Variants in FGF13 observed in about 807,000 individuals in gnomAD.
FGF13 encodes the protein fibroblast growth factor homologous factor 2.
FGF13 carries 2 observed loss-of-function variants against 19.5 expected under a neutral mutation model. That is an observed-to-expected ratio of 0.10 (90% confidence interval 0.04 to 0.32). FGF13 has a LOEUF of 0.32. FGF13 is among the 10% of genes least tolerant of loss of function. The pLI, the probability that FGF13 is intolerant of heterozygous loss-of-function variation, is 1.00. For synonymous variants in FGF13, 72 were observed against 76.9 expected, an observed-to-expected ratio of 0.94 and a Z score of 0.33; for missense variants, 113 against 192.7, an observed-to-expected ratio of 0.59 and a Z score of 2.45.
At chrX:138,776,366 C>T (rs1205030040) in intron 3 of FGF13, among the ~76,000 whole-genome samples, 2 of 112,185 alleles carry the variant, frequency 1.8e-5, no homozygotes, top group South Asian at 3.7e-4. Flanking sequence ...AAGAACCTTA[C>T]GAGATATTTT....
At chrX:139,168,749 C>T in intron 1 of FGF13, among the ~76,000 whole-genome samples, 1 of 111,622 alleles carries the variant, frequency 9.0e-6, no homozygotes, top group East Asian at 2.8e-4. Context: ...ATGAGTACCC[C>T]CTGGATTATT....
chrX:138,688,124 T>A (rs904570070), intron 3 of FGF13, among the ~76,000 whole-genome samples: 3 of 108,647 alleles, frequency 2.8e-5, no homozygotes, highest in Non-Finnish European at 5.7e-5. Context: ...CCCGGCTAAT[T>A]TTTTGTATTT....
At chrX:139,160,867 C>A (rs1377471820) in intron 1 of FGF13, among the ~76,000 whole-genome samples, 1 of 111,519 alleles carries the variant, frequency 9.0e-6, no homozygotes, top group East Asian at 2.8e-4. Flanking sequence ...GCCTACCAAC[C>A]AAAAAAACCC....
downstream of FGF13, among the ~76,000 whole-genome samples, chrX:138,853,515 C>T (rs1191121449): frequency 9.0e-6 from 1 of 111,064 alleles, no homozygotes; most frequent in Admixed American, 9.6e-5. Flanking sequence ...CAATCTCCAG[C>T]ACAGATTCTC....
chrX:138,950,460 T>C (rs149715738), intron 1 of FGF13, among the ~76,000 whole-genome samples: 2,983 of 111,838 alleles, frequency 0.027, 105 homozygotes, highest in African/African-American at 0.091. Context: ...TATGTAAACC[T>C]CTTTCGATAG....
At chrX:139,152,693 A>T (rs147380206) in intron 1 of FGF13, among the ~76,000 whole-genome samples, 3 of 111,050 alleles carry the variant, frequency 2.7e-5, no homozygotes, top group Non-Finnish European at 3.8e-5. Flanking sequence ...AAATCTCTTC[A>T]AAGTTTACAA....
chrX:138,945,492 A>G (rs1483055148), intron 1 of FGF13, among the ~76,000 whole-genome samples: 12 of 111,612 alleles, frequency 1.1e-4, no homozygotes, highest in Non-Finnish European at 2.1e-4. Context: ...GCCTGCTCCA[A>G]TGAACAGTGG....
chrX:138,742,033 C>G (rs765419662), upstream of FGF13, among the ~76,000 whole-genome samples: 124 of 111,601 alleles, frequency 1.1e-3, no homozygotes, highest in Middle Eastern at 4.6e-3. Context: ...CCTTGTCTGC[C>G]TACTAATCTT....
intron 1 of FGF13, among the ~76,000 whole-genome samples, chrX:139,063,461 TC>T (rs1387425094): frequency 2.8e-3 from 308 of 111,921 alleles, no homozygotes; most frequent in African/African-American, 9.6e-3. Context: ...TTCTTATCAG[TC>T]TTCTTCCTGA....
intron 1 of FGF13, among the ~76,000 whole-genome samples, chrX:139,005,087 A>C (rs1294178455): frequency 1.8e-5 from 2 of 109,839 alleles, no homozygotes. Flanking sequence ...GATGGAAGAC[A>C]GGTAGTGGTT....
intron 1 of FGF13, among the ~76,000 whole-genome samples, chrX:139,053,159 A>G (rs2053834599): frequency 4.5e-5 from 5 of 111,502 alleles, no homozygotes; most frequent in Admixed American, 3.8e-4. Flanking sequence ...CATCCAGGTC[A>G]CTGCAAATGC....
chrX:138,788,631 A>G (rs1256976916), intron 3 of FGF13, among the ~76,000 whole-genome samples: 1 of 112,278 alleles, frequency 8.9e-6, no homozygotes. Context: ...AATACAATCT[A>G]AGAAGTCTGA....
intron 1 of FGF13, among the ~76,000 whole-genome samples, chrX:139,044,056 T>C (rs2092279109): frequency 8.9e-6 from 1 of 112,285 alleles, no homozygotes; most frequent in Non-Finnish European, 1.9e-5. Context: ...ATAGATGTTG[T>C]GGTTATACAA....
intron 1 of FGF13, among the ~76,000 whole-genome samples, chrX:139,078,012 AG>A (rs1412464904): frequency 9.0e-6 from 1 of 111,495 alleles, no homozygotes; most frequent in East Asian, 2.9e-4. Context: ...GAGCTATTCA[AG>A]CAACATCTCC....
intron 1 of FGF13, among the ~76,000 whole-genome samples, chrX:138,970,853 A>G (rs757083751): frequency 9.0e-6 from 1 of 111,615 alleles, no homozygotes; most frequent in East Asian, 2.8e-4. Flanking sequence ...TTGAGAATTT[A>G]TAGATAAATG....
intron 1 of FGF13, among the ~76,000 whole-genome samples, chrX:138,727,220 T>C (rs186787704): frequency 1.0e-4 from 11 of 109,613 alleles, no homozygotes; most frequent in Admixed American, 9.8e-4. Flanking sequence ...ATCAAATATC[T>C]AGAAGGGTTA....
intron 3 of FGF13, among the ~76,000 whole-genome samples, chrX:138,657,302 A>G (rs1407332641): frequency 8.9e-6 from 1 of 112,129 alleles, no homozygotes; most frequent in Admixed American, 9.4e-5. Flanking sequence ...GAACAAACAC[A>G]ACCCACTAAC....
rs2089004250 is a variant in FGF13 at position 138,620,259 on chromosome X, T to C, written c.*12591A>G. The C allele has an allele frequency of 9.2e-6, 1 of 109,098 alleles. No homozygotes were observed. Among genetic ancestry groups the C allele is most frequent in the Non-Finnish European group, 1.9e-5 (1 of 52,544 alleles). The allele number at this position is 109,098 out of a possible 1,213,427, so 9.0% of individuals were successfully genotyped here. A position where few individuals can be genotyped will look rare whatever the true frequency, so the allele number is the denominator to read the frequency against. Reference sequence around the variant, plus strand: ...CGTATTCTCACTTATAAGTGAGAGCTGAACATGAGAACACATGGACACAGG... The same window carrying C: ...CGTATTCTCACTTATAAGTGAGAGCCGAACATGAGAACACATGGACACAGG... On this transcript the variant is annotated 3_prime_UTR_variant, in exon 5 of 5. Transcript: ENST00000315930.
At chrX:139,067,992 A>C (rs1253789645) in intron 1 of FGF13, among the ~76,000 whole-genome samples, 3 of 103,955 alleles carry the variant, frequency 2.9e-5, no homozygotes, top group Non-Finnish European at 5.8e-5. Flanking sequence ...TAGTTTAATT[A>C]GATCCCATTT....
Sources: gnomAD v4.1 joint callset for allele counts (sites outside exome capture counted in the v4.1 genomes callset) on GRCh38, gnomAD v4.1.1 for gene constraint, MANE v1.5 for transcripts, NCBI Gene and HGNC (gene_info 2026-07-23, HGNC 2026-07-21) for gene names.